Variants in RBPMS2 observed in about 807,000 individuals in gnomAD.
The protein encoded by RBPMS2 is RNA-binding protein with multiple splicing 2.
In RBPMS2, 14 loss-of-function variants were observed where a neutral mutation model predicts 25.7. That is an observed-to-expected ratio of 0.55 (90% CI 0.36 to 0.85). The LOEUF is 0.85. Ranked by LOEUF, RBPMS2 falls within the 40% of genes least tolerant of loss-of-function variation. The probability of loss-of-function intolerance (pLI) is 0.01; values close to 1 mark genes in which losing one functional copy is unlikely to be tolerated. For missense variants in RBPMS2, 252 were observed against 283.4 expected, an observed-to-expected ratio of 0.89 and a Z score of 0.80; for synonymous variants, 127 against 115.6, an observed-to-expected ratio of 1.10 and a Z score of -0.63.
intron 6 of RBPMS2, among the ~76,000 whole-genome samples, chr15:64,744,736 T>C (rs866109979): frequency 2.0e-5 from 3 of 149,958 alleles, no homozygotes; most frequent in Admixed American, 1.3e-4. Context: ...ATCCAAAATG[T>C]AGAGCTACAC....
rs1208614343 is a variant in RBPMS2, at chr15:64,748,430, G to A, written c.556C>T (p.Leu186Phe). 1 of 1,613,914 alleles carries A rather than the reference G, an allele frequency of 6.2e-7. No homozygotes were observed. The highest frequency in any genetic ancestry group is 2.2e-5 in the East Asian group (1 of 44,894). The change falls in exon 6 of 8, where the codon CTC (leucine) becomes TTC (phenylalanine). Residue 186 changes from leucine to phenylalanine, a missense_variant. Leu to Phe is a conservative substitution (Grantham distance 22). Coordinates refer to ENST00000300069, the MANE Select transcript of RBPMS2 (RefSeq NM_194272.3). ...CTTAAAGGGCTTACCTGAGCGTGGA[G>A]GGCGGCGGCAGCGGCAGTGGCAGTT... is the stretch of plus-strand genomic sequence containing the variant. ...YPTATAAAAA[L>F]HAQVRWYPSS...
chr15:64,774,990 C>A (rs902216320), intron 1 of RBPMS2, among the ~76,000 whole-genome samples: 2 of 150,474 alleles, frequency 1.3e-5, no homozygotes, highest in Non-Finnish European at 3.0e-5. Context: ...CGGCGGCCGG[C>A]GCGCGCGGCC....
intron 6 of RBPMS2, among the ~76,000 whole-genome samples, chr15:64,747,636 T>G (rs1405926512): frequency 6.6e-6 from 1 of 152,140 alleles, no homozygotes; most frequent in Non-Finnish European, 1.5e-5. Flanking sequence ...CACAGTGGGA[T>G]GAGACCTCCC....
intron 1 of RBPMS2, among the ~76,000 whole-genome samples, chr15:64,763,930 C>A (rs1202369828): frequency 6.6e-5 from 10 of 152,176 alleles, no homozygotes; most frequent in African/African-American, 2.4e-4. Flanking sequence ...CCACTTCCAG[C>A]CCCAGGAAGA....
chr15:64,744,558 C>CAAA (rs35132500), intron 6 of RBPMS2, among the ~76,000 whole-genome samples: 3 of 125,878 alleles, frequency 2.4e-5, no homozygotes, highest in African/African-American at 9.1e-5. Flanking sequence ...AACTCTGTCT[C>CAAA]AAAAAAAAAA....
intron 6 of RBPMS2, among the ~76,000 whole-genome samples, chr15:64,742,464 G>A (rs941781926): frequency 5.3e-5 from 8 of 152,252 alleles, no homozygotes; most frequent in Non-Finnish European, 1.2e-4. Flanking sequence ...CCCCAAAGCT[G>A]GGTTCCCAGA....
intron 1 of RBPMS2, among the ~76,000 whole-genome samples, chr15:64,763,287 G>C (rs1490231697): frequency 6.6e-6 from 1 of 150,864 alleles, no homozygotes; most frequent in African/African-American, 2.4e-5. Flanking sequence ...GCCAGACAGT[G>C]GATGTGAACC....
intron 6 of RBPMS2, 114 bp downstream of exon 6, chr15:64,748,305 G>C (rs1303339827): frequency 1.7e-6 from 2 of 1,152,400 alleles, no homozygotes; most frequent in East Asian, 5.2e-5. Context: ...CATCAAGGAA[G>C]ACAAGAGTTC....
At chr15:64,764,954 C>T (rs1283030967) in intron 1 of RBPMS2, among the ~76,000 whole-genome samples, 5 of 147,114 alleles carry the variant, frequency 3.4e-5, no homozygotes, top group South Asian at 2.1e-4. Context: ...TGGCCAGGCA[C>T]GGTGGCTCAC....
intron 1 of RBPMS2, among the ~76,000 whole-genome samples, chr15:64,772,572 T>C (rs978919745): frequency 2.6e-5 from 4 of 152,192 alleles, no homozygotes; most frequent in Non-Finnish European, 4.4e-5. Flanking sequence ...TGCTGCAATA[T>C]AGCAAACTCC....
chr15:64,767,383 C>G (rs534355937), intron 1 of RBPMS2, among the ~76,000 whole-genome samples: 1 of 152,332 alleles, frequency 6.6e-6, no homozygotes, highest in African/African-American at 2.4e-5. Flanking sequence ...AGTGACGTGA[C>G]ACCAGATGTC....
At chr15:64,762,565 G>C (rs766160680) in intron 1 of RBPMS2, 2 of 528,278 alleles carry the variant, frequency 3.8e-6, no homozygotes, top group African/African-American at 1.9e-5. Context: ...CTGCACTCAG[G>C]GTCCAGCTCA....
At chr15:64,765,090 G>A (rs1291941103) in intron 1 of RBPMS2, among the ~76,000 whole-genome samples, 1 of 151,756 alleles carries the variant, frequency 6.6e-6, no homozygotes, top group African/African-American at 2.4e-5. Context: ...AGCTGGGCAT[G>A]GTGGCGTGCG....
At chr15:64,743,921 A>G (rs1257611063) in intron 6 of RBPMS2, among the ~76,000 whole-genome samples, 1 of 152,102 alleles carries the variant, frequency 6.6e-6, no homozygotes, top group Non-Finnish European at 1.5e-5. Context: ...CATGGCCACC[A>G]TTACGAAACC....
At chr15:64,745,759 G>A (rs903168387) in intron 6 of RBPMS2, among the ~76,000 whole-genome samples, 7 of 152,170 alleles carry the variant, frequency 4.6e-5, no homozygotes, top group Non-Finnish European at 8.8e-5. Context: ...TGCCAAGACA[G>A]AGCAGGACCA....
At position 64,748,646 on chromosome 15, in the gene RBPMS2, G is replaced by T. The variant is rs1381177539; in HGVS notation, c.419-79C>A. 2.0e-6 allele frequency: 3 copies of T among 1,483,096 alleles called. No individual in the cohort carries two copies. In the African/African-American group the frequency reaches 4.2e-5, roughly 21 times the overall value. 91.9% of individuals were successfully genotyped at this position (1,483,096 alleles called of 1,614,324 possible). A position where few individuals can be genotyped will look rare whatever the true frequency, so the allele number is the denominator to read the frequency against. On this transcript the variant is annotated intron_variant, in intron 5 of 7. Coordinates refer to ENST00000300069, the MANE Select transcript of RBPMS2 (RefSeq NM_194272.3). ...ACGGAGAAGGGGACCCAGCACTATG[G>T]TTGAGCCATATGCCCCACACTGAGG...
intron 1 of RBPMS2, among the ~76,000 whole-genome samples, chr15:64,765,279 T>C (rs1350177139): frequency 7.1e-6 from 1 of 141,298 alleles, no homozygotes; most frequent in Non-Finnish European, 1.5e-5. Context: ...GCCCGGCGTG[T>C]TGGTGTGCAC....
chr15:64,749,254 C>G (rs1300659391), intron 4 of RBPMS2, 104 bp from the exon 5 acceptor site: 3 of 1,436,498 alleles, frequency 2.1e-6, no homozygotes, highest in Non-Finnish European at 2.9e-6. Context: ...CCTCGAAGAC[C>G]TGCCCACACG....
At chr15:64,746,427 G>A (rs539037515) in intron 6 of RBPMS2, among the ~76,000 whole-genome samples, 1 of 152,290 alleles carries the variant, frequency 6.6e-6, no homozygotes, top group Admixed American at 6.5e-5. Context: ...ATGCCATCAC[G>A]CGACTCCATG....
Sources: gnomAD v4.1 joint callset for allele counts (sites outside exome capture counted in the v4.1 genomes callset) on GRCh38, gnomAD v4.1.1 for gene constraint, MANE v1.5 for transcripts, NCBI Gene and HGNC (gene_info 2026-07-23, HGNC 2026-07-21) for gene names.